Variants in DNAH7 observed in about 807,000 individuals in gnomAD.
The protein encoded by DNAH7 is axonemal beta dynein heavy chain 7.
Under a neutral mutation model 444.6 loss-of-function variants are expected in DNAH7, and 397 were observed. The observed-to-expected ratio is 0.89, with a 90% CI of 0.82 to 0.97. The LOEUF is 0.97. Ranked by LOEUF, DNAH7 falls within the 50% of genes least tolerant of loss-of-function variation. DNAH7 has a pLI of 0.00. For missense variants in DNAH7, 4,902 were observed against 4,800.8 expected (o/e 1.02, Z -0.62); for synonymous variants, 1,636 against 1,624.4 (o/e 1.01, Z -0.17).
intron 37 of DNAH7, 92 bp downstream of exon 37, chr2:195,876,452 A>G: frequency 7.7e-7 from 1 of 1,292,772 alleles, no homozygotes; most frequent in Non-Finnish European, 1.1e-6. Flanking sequence ...AAACTATACA[A>G]AAAGATGTCT....
chr2:195,960,672 CTT>C lies in DNAH7; in HGVS notation c.2477_2478del (p.Lys826SerfsTer20), dbSNP rs752238407. ...DSPYALAMTK[K>X]VRSKVEDFKQ... ...TTGAAATCTTCCACCTTTGATCTTA[CTT>C]TTTTTGTCATTGCCAATGCATATGG... On this transcript the variant is annotated frameshift_variant, in exon 18 of 65. Coordinates refer to ENST00000312428, the MANE Select transcript of DNAH7 (RefSeq NM_018897.3). LOFTEE classifies it high-confidence loss of function. The C allele has an allele frequency of 6.2e-7, 1 of 1,614,062 alleles. No individual in the cohort carries two copies.
intron 8 of DNAH7, among the ~76,000 whole-genome samples, chr2:196,022,648 C>T (rs1695450151): frequency 6.6e-6 from 1 of 152,176 alleles, no homozygotes. Context: ...CACATCTTTC[C>T]AACACATCTG....
At chr2:195,794,603 A>T in intron 56 of DNAH7, 65 bp from the exon 57 acceptor site, 1 of 1,472,150 alleles carries the variant, frequency 6.8e-7, no homozygotes, top group East Asian at 2.3e-5. Flanking sequence ...AAAAGCATAC[A>T]TATGAAGGAT....
chr2:196,049,806 T>C (rs1419137481), intron 3 of DNAH7, among the ~76,000 whole-genome samples: 1 of 152,190 alleles, frequency 6.6e-6, no homozygotes, highest in Non-Finnish European at 1.5e-5. Flanking sequence ...GCCATAGATA[T>C]TCGATAAGAA....
chr2:195,858,413 C>T (rs561191110), intron 43 of DNAH7, 61 bp downstream of exon 43: 4 of 1,357,432 alleles, frequency 2.9e-6, no homozygotes, highest in Non-Finnish European at 3.9e-6. Flanking sequence ...GAACACAATG[C>T]TAATTTCTTT....
intron 63 of DNAH7, among the ~76,000 whole-genome samples, chr2:195,751,379 C>T (rs542379901): frequency 3.4e-4 from 51 of 152,208 alleles, no homozygotes; most frequent in South Asian, 6.2e-4. Context: ...TTAGTGGATT[C>T]CGGTAGCATA....
At chr2:195,955,609 T>A (rs1387641194) in intron 19 of DNAH7, among the ~76,000 whole-genome samples, 1 of 152,184 alleles carries the variant, frequency 6.6e-6, no homozygotes, top group Non-Finnish European at 1.5e-5. Context: ...TCCAGTGGTT[T>A]CATAGGATAA....
chr2:195,940,284 A>G (rs1206462142), intron 19 of DNAH7, among the ~76,000 whole-genome samples: 4 of 152,354 alleles, frequency 2.6e-5, no homozygotes, highest in East Asian at 1.9e-4. Context: ...AAAAATCCCT[A>G]TTTAACAAAT....
At chr2:195,859,008 T>C (rs1356979090) in intron 42 of DNAH7, among the ~76,000 whole-genome samples, 1 of 152,232 alleles carries the variant, frequency 6.6e-6, no homozygotes, top group Non-Finnish European at 1.5e-5. Flanking sequence ...ACAGCGTGTT[T>C]TATTCATTTT....
intron 19 of DNAH7, among the ~76,000 whole-genome samples, chr2:195,945,802 G>A (rs1240126754): frequency 6.6e-6 from 1 of 152,188 alleles, no homozygotes; most frequent in East Asian, 1.9e-4. Context: ...AAAAATTTAA[G>A]AGTGTTTTTG....
chr2:195,814,740 AT>A (rs992975912), intron 51 of DNAH7, among the ~76,000 whole-genome samples: 77 of 148,294 alleles, frequency 5.2e-4, no homozygotes, highest in African/African-American at 7.2e-4. Flanking sequence ...ACTGGGAATA[AT>A]TTTTTTTTTT....
At chr2:195,834,422 A>T in intron 47 of DNAH7, 62 bp from the exon 48 acceptor site, 1 of 1,488,540 alleles carries the variant, frequency 6.7e-7, no homozygotes, top group African/African-American at 1.4e-5. Context: ...CTACTTAATC[A>T]TGTTCACATC....
At chr2:195,746,993 A>G (rs1343471148) in intron 63 of DNAH7, among the ~76,000 whole-genome samples, 2 of 152,038 alleles carry the variant, frequency 1.3e-5, no homozygotes, top group Non-Finnish European at 1.5e-5. Context: ...AAATAACTAA[A>G]ATCAGAGCAG....
intron 58 of DNAH7, among the ~76,000 whole-genome samples, chr2:195,781,077 GA>G (rs34479085): frequency 0.55 from 81,663 of 149,322 alleles, 22,402 homozygotes; most frequent in East Asian, 0.64. Flanking sequence ...AAGCCCTTGT[GA>G]AAAAAAAAAC....
In DNAH7 at chr2:195,894,755, T is replaced by A. The variant is rs554779053; in HGVS notation, c.4896+221A>T. The A allele has an allele frequency of 8.6e-5, 29 of 337,308 alleles. No individual in the cohort carries two copies. In the Admixed American group the frequency reaches 9.4e-4, roughly 11 times the overall value. 20.9% of individuals were successfully genotyped at this position (337,308 alleles called of 1,614,324 possible). A position where few individuals can be genotyped will look rare whatever the true frequency, so the allele number is the denominator to read the frequency against. On this transcript the variant is annotated intron_variant, in intron 30 of 64. Coordinates refer to ENST00000312428, the MANE Select transcript of DNAH7 (RefSeq NM_018897.3). ...ACATGTATTACTTTAATAATTTTTT[T>A]AAAAAAGAAATAAAAGGTCGAAAGC...
At chr2:195,896,766 C>T in intron 29 of DNAH7, among the ~76,000 whole-genome samples, 1 of 152,182 alleles carries the variant, frequency 6.6e-6, no homozygotes, top group East Asian at 1.9e-4. Flanking sequence ...AAAATCTGAA[C>T]TCTTTCCTTG....
intron 24 of DNAH7, among the ~76,000 whole-genome samples, chr2:195,920,071 C>G (rs1047159150): frequency 3.3e-5 from 5 of 152,070 alleles, no homozygotes; most frequent in African/African-American, 1.2e-4. Flanking sequence ...AAACAGAACT[C>G]TTGAAAACTC....
intron 49 of DNAH7, among the ~76,000 whole-genome samples, chr2:195,823,341 C>T (rs1051552787): frequency 4.6e-5 from 7 of 152,244 alleles, no homozygotes; most frequent in South Asian, 2.1e-4. Context: ...ATTGCAGCTC[C>T]GCTGTGTCTT....
chr2:195,804,639 C>A (rs1696623833), intron 54 of DNAH7, among the ~76,000 whole-genome samples: 1 of 152,214 alleles, frequency 6.6e-6, no homozygotes, highest in South Asian at 2.1e-4. Context: ...GCTTAAATAG[C>A]AGCAATATGT....
Sources: gnomAD v4.1 joint callset for allele counts (sites outside exome capture counted in the v4.1 genomes callset) on GRCh38, gnomAD v4.1.1 for gene constraint, MANE v1.5 for transcripts, NCBI Gene and HGNC (gene_info 2026-07-23, HGNC 2026-07-21) for gene names.